Variants in SLC24A2 observed in about 807,000 individuals in gnomAD.
The protein encoded by SLC24A2 is sodium/potassium/calcium exchanger 2.
A neutral mutation model predicts 62.0 loss-of-function variants in SLC24A2; 36 were observed. That is an observed-to-expected ratio of 0.58 (90% CI 0.44 to 0.77). The LOEUF is 0.77. Ranked by LOEUF, SLC24A2 falls within the 30% of genes least tolerant of loss-of-function variation. SLC24A2 has a pLI of 0.00. For synonymous variants in SLC24A2, 358 were observed against 294.0 expected (o/e 1.22, Z -2.23); for missense variants, 846 against 817.9 (o/e 1.03, Z -0.42).
In SLC24A2 at chr9:19,786,628, TG is replaced by T. The variant is rs1431690291; in HGVS notation, c.238del (p.Gln80ArgfsTer9). 6.2e-7 allele frequency: 1 copy of T among 1,614,030 alleles called. No homozygotes were observed. The highest frequency in any genetic ancestry group is 2.2e-5 in the East Asian group (1 of 44,900). On this transcript the variant is annotated frameshift_variant, in exon 2 of 11. Transcript: ENST00000341998. LOFTEE classifies it high-confidence loss of function. The surrounding 1 kb of genome is among the most constrained non-coding windows in gnomAD (Gnocchi z 5.0). ...TAAGAGAGTTCTCTGATGGTAACCC[TG>T]TGCTACCCTAGGGCCACTTACAACA... ...ASVVSGPRVA[Q>X]GYHQRTLLDL...
chr9:19,552,338 C>T (rs986976463), intron 7 of SLC24A2, among the ~76,000 whole-genome samples: 3 of 152,120 alleles, frequency 2.0e-5, no homozygotes, highest in African/African-American at 7.2e-5. Flanking sequence ...GTCATGGGGC[C>T]AATGTGGATT....
the SLC24A2 span, among the ~76,000 whole-genome samples, chr9:20,052,265 A>C: frequency 6.6e-6 from 1 of 152,120 alleles, no homozygotes; most frequent in Admixed American, 6.6e-5. Flanking sequence ...CCAGAATCCC[A>C]ACTCCCCTTC....
chr9:19,552,706 C>G (rs1210535080), intron 7 of SLC24A2, among the ~76,000 whole-genome samples: 5 of 152,158 alleles, frequency 3.3e-5, no homozygotes, highest in African/African-American at 1.2e-4. Context: ...AAAAGCAACT[C>G]TTTATGACTC....
the SLC24A2 span, among the ~76,000 whole-genome samples, chr9:20,017,349 A>G: frequency 6.6e-6 from 1 of 152,102 alleles, no homozygotes; most frequent in African/African-American, 2.4e-5. Flanking sequence ...TAAACATAAC[A>G]CTGTATGCAT....
the SLC24A2 span, among the ~76,000 whole-genome samples, chr9:19,861,289 C>T: frequency 1.3e-5 from 2 of 152,192 alleles, no homozygotes; most frequent in Admixed American, 1.3e-4. Flanking sequence ...AAACAAAAGT[C>T]TCTGTCTGGT....
intron 2 of SLC24A2, among the ~76,000 whole-genome samples, chr9:19,704,023 G>C (rs1335138868): frequency 2.6e-5 from 4 of 152,066 alleles, no homozygotes; most frequent in African/African-American, 7.2e-5. Context: ...GATCATATAG[G>C]GCTTAGTTAT....
intron 8 of SLC24A2, among the ~76,000 whole-genome samples, chr9:19,546,092 C>A (rs1834552966): frequency 6.6e-6 from 1 of 152,224 alleles, no homozygotes. Flanking sequence ...CTCATACGGG[C>A]ACCTGCCAGA....
intron 7 of SLC24A2, among the ~76,000 whole-genome samples, chr9:19,553,117 T>A (rs1834924290): frequency 6.6e-6 from 1 of 152,194 alleles, no homozygotes; most frequent in Non-Finnish European, 1.5e-5. Flanking sequence ...AGCAAGGCTG[T>A]TGGCATACAT....
chr9:19,996,780 T>C, the SLC24A2 span, among the ~76,000 whole-genome samples: 1 of 149,190 alleles, frequency 6.7e-6, no homozygotes, highest in Non-Finnish European at 1.5e-5. Flanking sequence ...AGATCCATCA[T>C]GATTATCCTA....
the SLC24A2 span, among the ~76,000 whole-genome samples, chr9:20,237,927 T>C: frequency 1.3e-5 from 2 of 152,190 alleles, no homozygotes; most frequent in East Asian, 3.9e-4. Flanking sequence ...TCTGGAAGGC[T>C]ATATCCCTGT....
At chr9:19,780,858 G>A (rs1202471771) in intron 2 of SLC24A2, among the ~76,000 whole-genome samples, 1 of 127,808 alleles carries the variant, frequency 7.8e-6, no homozygotes. Context: ...GGGCGACAAA[G>A]CGAGACTCCG....
intron 2 of SLC24A2, among the ~76,000 whole-genome samples, chr9:19,655,136 C>A (rs146427323): frequency 2.2e-4 from 34 of 152,336 alleles, no homozygotes; most frequent in Middle Eastern, 3.4e-3. Context: ...CTGTGTAACA[C>A]TGTCTCAAAT....
the SLC24A2 span, among the ~76,000 whole-genome samples, chr9:19,835,489 A>G: frequency 1.6e-4 from 24 of 152,348 alleles, no homozygotes; most frequent in East Asian, 2.3e-3. Flanking sequence ...AGGCCATTAC[A>G]TAATGGTAAA....
chr9:20,060,735 C>A, the SLC24A2 span, among the ~76,000 whole-genome samples: 1 of 151,900 alleles, frequency 6.6e-6, no homozygotes, highest in South Asian at 2.1e-4. Context: ...TTAAATACAA[C>A]CATATTAGAA....
At chr9:19,862,654 G>C in the SLC24A2 span, among the ~76,000 whole-genome samples, 1 of 151,708 alleles carries the variant, frequency 6.6e-6, no homozygotes, top group Admixed American at 6.6e-5. Flanking sequence ...ACAATAAGAA[G>C]GTATAAACAG....
At chr9:20,174,152 G>C in the SLC24A2 span, among the ~76,000 whole-genome samples, 3 of 151,854 alleles carry the variant, frequency 2.0e-5, no homozygotes, top group African/African-American at 7.3e-5. Flanking sequence ...CCACATGTAG[G>C]AGAATGAAAC....
the SLC24A2 span, among the ~76,000 whole-genome samples, chr9:19,880,706 A>G: frequency 1.3e-5 from 2 of 152,192 alleles, no homozygotes; most frequent in Non-Finnish European, 2.9e-5. Context: ...GGATGGCTTG[A>G]GCAACTGGCA....
chr9:20,209,905 A>C, the SLC24A2 span, among the ~76,000 whole-genome samples: 360 of 152,320 alleles, frequency 2.4e-3, 1 homozygote, highest in Non-Finnish European at 4.0e-3. Flanking sequence ...AATAACTAGA[A>C]TAACACCATC....
the SLC24A2 span, among the ~76,000 whole-genome samples, chr9:20,047,659 C>T: frequency 6.9e-6 from 1 of 145,248 alleles, no homozygotes; most frequent in African/African-American, 2.5e-5. Flanking sequence ...GGGCCGCCTT[C>T]TCATTGTAAA....
Sources: gnomAD v4.1 joint callset for allele counts (sites outside exome capture counted in the v4.1 genomes callset) on GRCh38, gnomAD v4.1.1 for gene constraint, Gnocchi (gnomAD v3.1) non-coding constraint, MANE v1.5 for transcripts, NCBI Gene and HGNC (gene_info 2026-07-23, HGNC 2026-07-21) for gene names.